The following TCF12 variants were observed in gnomAD, a reference collection of about 807,000 sequenced individuals.
TCF12 encodes transcription factor 12, also known as DNA-binding protein HTF4.
Under a neutral mutation model 86.0 loss-of-function variants are expected in TCF12, and 45 were observed. The ratio of observed to expected loss-of-function variants is 0.52; its 90% CI spans 0.41 to 0.67. The LOEUF (loss-of-function observed/expected upper bound fraction) is 0.67, where lower values mean the gene tolerates loss of function less well. Among genes scored for constraint, TCF12 ranks in the 30% least tolerant of loss-of-function variants. TCF12 has a pLI of 0.00. For missense variants in TCF12, 881 were observed against 859.9 expected (o/e 1.02, Z -0.31); for synonymous variants, 330 against 299.6 (o/e 1.10, Z -1.05).
At chr15:57,111,641 C>T (rs2050499016) in intron 5 of TCF12, among the ~76,000 whole-genome samples, 1 of 142,276 alleles carries the variant, frequency 7.0e-6, no homozygotes, top group Admixed American at 7.3e-5. Context: ...TCCCAGGCTA[C>T]AGTGTAGTGG....
At chr15:57,117,160 C>T (rs1050286299) in intron 5 of TCF12, among the ~76,000 whole-genome samples, 3 of 151,588 alleles carry the variant, frequency 2.0e-5, no homozygotes, top group African/African-American at 7.3e-5. Context: ...CCACCTCTGC[C>T]TCCCAAGGAG....
intron 3 of TCF12, among the ~76,000 whole-genome samples, chr15:57,052,971 A>G (rs1299912892): frequency 6.6e-6 from 1 of 152,120 alleles, no homozygotes; most frequent in African/African-American, 2.4e-5. Flanking sequence ...TTGGATAACT[A>G]TCTAGTAGTG....
At chr15:57,279,419 A>T (rs1418883686) in intron 19 of TCF12, among the ~76,000 whole-genome samples, 1 of 152,216 alleles carries the variant, frequency 6.6e-6, no homozygotes. Flanking sequence ...GGGAAGACAT[A>T]CTTCTCATGC....
chr15:56,954,497 G>A (rs1376248732), intron 3 of TCF12, among the ~76,000 whole-genome samples: 2 of 152,142 alleles, frequency 1.3e-5, no homozygotes, highest in African/African-American at 4.8e-5. Context: ...ATACTATTCA[G>A]GAGATAGGCA....
At chr15:57,150,816 C>T (rs1210357298) in intron 5 of TCF12, among the ~76,000 whole-genome samples, 4 of 151,816 alleles carry the variant, frequency 2.6e-5, no homozygotes, top group East Asian at 2.0e-4. Context: ...ATGAAAAAAA[C>T]GGAATTTATT....
At chr15:57,252,379 T>G (rs758532590) in intron 14 of TCF12, 42 bp from the exon 15 acceptor site, 2 of 1,534,078 alleles carry the variant, frequency 1.3e-6, no homozygotes, top group Admixed American at 3.4e-5. Flanking sequence ...GGAGTTAATC[T>G]TAACCTGTGC....
intron 18 of TCF12, 78 bp from the exon 19 acceptor site, chr15:57,272,952 C>A: frequency 1.5e-6 from 2 of 1,330,272 alleles, no homozygotes; most frequent in Non-Finnish European, 2.1e-6. Context: ...TCCATCTTTA[C>A]GCTTTATAAT....
At position 57,107,304 on chromosome 15, in the gene TCF12, G is replaced by C. The variant is rs2050197659; in HGVS notation, c.325+15413G>C. Among the ~76,000 whole-genome samples, 4 of 152,136 alleles carry C rather than the reference G, an allele frequency of 2.6e-5. No individual in the cohort carries two copies. In the South Asian group the frequency reaches 8.3e-4, roughly 31 times the overall value. On this transcript the variant is annotated intron_variant, in intron 5 of 20. Coordinates refer to ENST00000333725, the MANE Select transcript of TCF12 (RefSeq NM_207037.2). Reference sequence around the variant, plus strand: ...GTGCAGATTACTATGTGTAAGTGCAGATTACTGTGTGAAACAAGCCAATCT... The same window carrying C: ...GTGCAGATTACTATGTGTAAGTGCACATTACTGTGTGAAACAAGCCAATCT...
chr15:57,187,128 G>A (rs1482228918), intron 6 of TCF12, among the ~76,000 whole-genome samples: 15 of 151,312 alleles, frequency 9.9e-5, no homozygotes, highest in Non-Finnish European at 1.6e-4. Flanking sequence ...GCAGTGACCC[G>A]AGATGATACC....
At chr15:57,177,855 T>C (rs553001964) in intron 6 of TCF12, among the ~76,000 whole-genome samples, 2 of 152,120 alleles carry the variant, frequency 1.3e-5, no homozygotes, top group South Asian at 2.1e-4. Context: ...ACTACAGGCA[T>C]GTGCCACCAC....
At chr15:57,056,288 C>T (rs879231100) in intron 3 of TCF12, among the ~76,000 whole-genome samples, 1 of 151,662 alleles carries the variant, frequency 6.6e-6, no homozygotes, top group Non-Finnish European at 1.5e-5. Flanking sequence ...TTACAGGCGC[C>T]CACCACCATT....
At chr15:56,969,449 G>A (rs1280288371) in intron 3 of TCF12, among the ~76,000 whole-genome samples, 1 of 151,994 alleles carries the variant, frequency 6.6e-6, no homozygotes, top group Non-Finnish European at 1.5e-5. Flanking sequence ...AAGAAAACTG[G>A]AGGAACAGGT....
At chr15:57,049,208 C>G (rs1173019115) in intron 3 of TCF12, among the ~76,000 whole-genome samples, 1 of 152,174 alleles carries the variant, frequency 6.6e-6, no homozygotes, top group Non-Finnish European at 1.5e-5. Flanking sequence ...GCATTTGTTG[C>G]TATGTAGTTC....
intron 12 of TCF12, among the ~76,000 whole-genome samples, chr15:57,242,643 G>C (rs938849376): frequency 6.6e-6 from 1 of 152,148 alleles, no homozygotes; most frequent in Non-Finnish European, 1.5e-5. Flanking sequence ...ACTCCAGCCT[G>C]GGTGACAGAG....
chr15:56,993,277 A>G (rs1279081271), intron 3 of TCF12, among the ~76,000 whole-genome samples: 1 of 152,148 alleles, frequency 6.6e-6, no homozygotes, highest in Non-Finnish European at 1.5e-5. Flanking sequence ...CTCATGCCCT[A>G]TTCCCAAGCA....
intron 18 of TCF12, 112 bp from the exon 19 acceptor site, chr15:57,272,918 C>G: frequency 9.8e-7 from 1 of 1,023,056 alleles, no homozygotes; most frequent in Non-Finnish European, 1.4e-6. Context: ...CAACTGTTTA[C>G]AAGATTTATA....
chr15:57,044,407 A>G (rs1409862772), intron 3 of TCF12, among the ~76,000 whole-genome samples: 1 of 152,022 alleles, frequency 6.6e-6, no homozygotes, highest in Non-Finnish European at 1.5e-5. Context: ...TAAAAAAAAA[A>G]TTTACCTGTG....
intron 13 of TCF12, chr15:57,248,173 G>A (rs369037893): frequency 1.3e-4 from 90 of 694,270 alleles, no homozygotes; most frequent in African/African-American, 1.1e-3. Context: ...TTCCCCTTAC[G>A]TCTTATTGGC....
At chr15:56,976,545 A>G (rs1443956860) in intron 3 of TCF12, among the ~76,000 whole-genome samples, 3 of 151,992 alleles carry the variant, frequency 2.0e-5, no homozygotes, top group African/African-American at 7.2e-5. Flanking sequence ...CAGCTAATAC[A>G]TGAGGAAGGA....
Sources: gnomAD v4.1 joint callset for allele counts (sites outside exome capture counted in the v4.1 genomes callset) on GRCh38, gnomAD v4.1.1 for gene constraint, MANE v1.5 for transcripts, NCBI Gene and HGNC (gene_info 2026-07-23, HGNC 2026-07-21) for gene names.